The following CCBE1 variants were observed in gnomAD, a reference collection of about 807,000 sequenced individuals.
CCBE1 encodes the protein collagen and calcium binding EGF domains 1, also known as collagen and calcium-binding EGF domain-containing protein 1.
Under a neutral mutation model 50.0 loss-of-function variants are expected in CCBE1, and 37 were observed. The observed-to-expected ratio is 0.74, with a 90% CI of 0.57 to 0.97. The LOEUF (loss-of-function observed/expected upper bound fraction) is 0.97, where lower values mean the gene tolerates loss of function less well. Among genes scored for constraint, CCBE1 ranks in the 50% least tolerant of loss-of-function variants. The pLI is 0.00. For missense variants in CCBE1, 538 were observed against 523.8 expected (o/e 1.03, Z -0.26); for synonymous variants, 234 against 203.7 (o/e 1.15, Z -1.27).
At chr18:59,580,856 A>G (rs186976047) in intron 2 of CCBE1, among the ~76,000 whole-genome samples, 1 of 152,340 alleles carries the variant, frequency 6.6e-6, no homozygotes, top group Admixed American at 6.5e-5. Context: ...AGAATGCTGA[A>G]GTGGCCATGA....
intron 2 of CCBE1, among the ~76,000 whole-genome samples, chr18:59,531,627 C>T (rs754284604): frequency 1.7e-4 from 26 of 152,174 alleles, no homozygotes; most frequent in Middle Eastern, 3.4e-3. Context: ...ACATGTCTTT[C>T]GTCCCAGATA....
chr18:59,686,981 G>A (rs1382998964), intron 2 of CCBE1, among the ~76,000 whole-genome samples: 2 of 127,238 alleles, frequency 1.6e-5, no homozygotes, highest in South Asian at 5.2e-4. Flanking sequence ...GGGCATTATC[G>A]TCTGCTCTCA....
chr18:59,601,008 C>G (rs1158067173), intron 2 of CCBE1, among the ~76,000 whole-genome samples: 1 of 78,362 alleles, frequency 1.3e-5, no homozygotes, highest in Non-Finnish European at 2.7e-5. Context: ...AGCTATGTGT[C>G]AGTTTTTTTT....
At chr18:59,544,213 TA>T (rs1598997051) in intron 2 of CCBE1, among the ~76,000 whole-genome samples, 1 of 152,228 alleles carries the variant, frequency 6.6e-6, no homozygotes, top group East Asian at 1.9e-4. Flanking sequence ...GTGATTTTTC[TA>T]ACTCCCAGAA....
In CCBE1 at chr18:59,535,496, A is replaced by T. The variant is rs143729296; in HGVS notation, c.213-55258T>A. Among the ~76,000 whole-genome samples, 594 of 152,338 alleles carry T rather than the reference A, an allele frequency of 3.9e-3. 4 individuals carry two copies. Among genetic ancestry groups the T allele is most frequent in the African/African-American group, 0.014 (574 of 41,572 alleles). ...CCATGAAAAGTAACATGCAATGCATAGCCAAGGTCAAAGTGTGCACACTAC... is the reference window on the plus strand; with the variant it reads ...CCATGAAAAGTAACATGCAATGCATTGCCAAGGTCAAAGTGTGCACACTAC... On this transcript the variant is annotated intron_variant, in intron 2 of 10. Coordinates refer to ENST00000439986, the MANE Select transcript of CCBE1 (RefSeq NM_133459.4).
chr18:59,523,466 C>CTA (rs1256824959), intron 2 of CCBE1, among the ~76,000 whole-genome samples: 3 of 151,758 alleles, frequency 2.0e-5, no homozygotes, highest in Admixed American at 6.6e-5. Flanking sequence ...ATAACAGTAC[C>CTA]TATCTCAAGA....
At chr18:59,514,644 T>TTAAA (rs1333839795) in intron 2 of CCBE1, among the ~76,000 whole-genome samples, 1 of 114,702 alleles carries the variant, frequency 8.7e-6, no homozygotes, top group African/African-American at 3.7e-5. Context: ...TTCCTTTCCT[T>TTAAA]GAAAAAAAAA....
chr18:59,634,526 T>C (rs1290785802), intron 2 of CCBE1, among the ~76,000 whole-genome samples: 1 of 152,166 alleles, frequency 6.6e-6, no homozygotes, highest in Non-Finnish European at 1.5e-5. Flanking sequence ...GACAGTTAAA[T>C]ATGGGTTCCC....
At chr18:59,507,357 A>G (rs1408845963) in intron 2 of CCBE1, among the ~76,000 whole-genome samples, 1 of 152,192 alleles carries the variant, frequency 6.6e-6, no homozygotes, top group East Asian at 1.9e-4. Context: ...CATGCCCAGA[A>G]TAATGGCAAA....
At chr18:59,597,306 A>G (rs1303748018) in intron 2 of CCBE1, among the ~76,000 whole-genome samples, 2 of 152,270 alleles carry the variant, frequency 1.3e-5, no homozygotes, top group African/African-American at 4.8e-5. Flanking sequence ...CATGCAATAC[A>G]TGCTCCACTG....
At chr18:59,623,843 A>AT (rs1182556481) in intron 2 of CCBE1, among the ~76,000 whole-genome samples, 1 of 152,202 alleles carries the variant, frequency 6.6e-6, no homozygotes, top group Non-Finnish European at 1.5e-5. Context: ...TGGTTTTGCA[A>AT]TAAAAAAACA....
chr18:59,546,231 G>A (rs1465996632), intron 2 of CCBE1, among the ~76,000 whole-genome samples: 3 of 152,166 alleles, frequency 2.0e-5, no homozygotes, highest in Non-Finnish European at 2.9e-5. Context: ...ATGAAGTTGT[G>A]TATTTTTTGT....
Position 59,436,104 on chromosome 18 carries a change from A to T in CCBE1, c.1025T>A (p.Leu342Gln), listed in dbSNP as rs773116276. The stretch of plus-strand genomic sequence containing the variant: ...AGTGATGTCATTGCGGATGTCAGCC[A>T]GCATAAGTAGCAGGAAGTCGAAAGA... ...PGSFDFLLLMLADIRNDITEL... is the reference protein window; with the variant it reads ...PGSFDFLLLMQADIRNDITEL... Residue 342 changes from leucine (L) to glutamine (Q), a missense_variant, in exon 11 of 11, where the codon CTG becomes CAG. Coordinates refer to ENST00000439986, the MANE Select transcript of CCBE1 (RefSeq NM_133459.4). 2 of 1,614,124 alleles carry T rather than the reference A, an allele frequency of 1.2e-6. No homozygotes were observed. The highest frequency in any genetic ancestry group is 2.7e-5 in the African/African-American group (2 of 74,938).
At chr18:59,485,417 A>T (rs1005193787) in intron 2 of CCBE1, among the ~76,000 whole-genome samples, 1 of 152,016 alleles carries the variant, frequency 6.6e-6, no homozygotes, top group Non-Finnish European at 1.5e-5. Flanking sequence ...ACTAGAAAAG[A>T]ATTTTAAAAA....
intron 2 of CCBE1, among the ~76,000 whole-genome samples, chr18:59,681,496 G>T (rs773348404): frequency 1.3e-5 from 2 of 152,200 alleles, no homozygotes; most frequent in African/African-American, 2.4e-5. Flanking sequence ...TAGGAAGGGA[G>T]TGGGTGCCGT....
In CCBE1 at chr18:59,435,605, GTACTTAAATCCAAAGTTCCTGGAAAAA is replaced by G; in HGVS notation, c.*276_*302del. ...ATTTATGATTTAAGACACTGTGAGA[GTACTTAAATCCAAAGTTCCTGGAAAAA>G]TAGGATGTAAAAGAAAAGTTACAAT... is the stretch of plus-strand genomic sequence containing the variant. On this transcript the variant is annotated 3_prime_UTR_variant, in exon 11 of 11. Transcript: ENST00000439986. 1 of 433,274 alleles carries G rather than the reference GTACTTAAATCCAAAGTTCCTGGAAAAA, an allele frequency of 2.3e-6. No individual in the cohort carries two copies. The highest frequency in any genetic ancestry group is 4.8e-5 in the East Asian group (1 of 20,866). 26.8% of individuals were successfully genotyped at this position (433,274 alleles called of 1,614,324 possible).
chr18:59,680,269 C>A (rs1032011103), intron 2 of CCBE1, among the ~76,000 whole-genome samples: 1 of 151,298 alleles, frequency 6.6e-6, no homozygotes, highest in Non-Finnish European at 1.5e-5. Context: ...ATCAGATACG[C>A]ACTTATCTCA....
At chr18:59,603,565 T>TA (rs2144565777) in intron 2 of CCBE1, among the ~76,000 whole-genome samples, 1 of 152,192 alleles carries the variant, frequency 6.6e-6, no homozygotes, top group East Asian at 1.9e-4. Flanking sequence ...TGCTCATCTT[T>TA]AAGTAATTAC....
intron 2 of CCBE1, among the ~76,000 whole-genome samples, chr18:59,676,323 G>A (rs1427473079): frequency 2.0e-5 from 3 of 152,172 alleles, no homozygotes; most frequent in Non-Finnish European, 4.4e-5. Context: ...TTTCTCACCG[G>A]ATGCTAGAAA....
Sources: gnomAD v4.1 joint callset for allele counts (sites outside exome capture counted in the v4.1 genomes callset) on GRCh38, gnomAD v4.1.1 for gene constraint, MANE v1.5 for transcripts, NCBI Gene and HGNC (gene_info 2026-07-23, HGNC 2026-07-21) for gene names.